Variants in TEX11 observed in about 807,000 individuals in gnomAD.
TEX11 encodes the protein testis expressed 11.
TEX11 carries 7 observed loss-of-function variants against 84.4 expected under a neutral mutation model. The ratio of observed to expected loss-of-function variants is 0.08; its 90% CI spans 0.05 to 0.16. TEX11 has a LOEUF of 0.16. Among genes scored for constraint, TEX11 ranks in the 10% least tolerant of loss-of-function variants. The pLI is 1.00. For synonymous variants in TEX11, 264 were observed against 222.8 expected (o/e 1.18, Z -1.64); for missense variants, 551 against 660.5 (o/e 0.83, Z 1.82).
chrX:70,519,949 A>G, the TEX11 span, among the ~76,000 whole-genome samples: 1 of 111,777 alleles, frequency 8.9e-6, no homozygotes, highest in Admixed American at 9.6e-5. Flanking sequence ...TTCTCATGCC[A>G]TGGTTTTAAG....
At position 70,669,798 on chromosome X, in the gene TEX11, C is replaced by T. The variant is rs757136227; in HGVS notation, c.1380+579G>A. Among the ~76,000 whole-genome samples, 173 of 112,740 alleles carry T rather than the reference C, an allele frequency of 1.5e-3. 1 individual carries two copies. The highest frequency in any genetic ancestry group is 5.2e-3 in the African/African-American group (163 of 31,162). On this transcript the variant is annotated intron_variant, in intron 16 of 29. Transcript: ENST00000374333. ...TTCTAAGAGCCAATACCCCTCATTA[C>T]GTGCATACCATATGATAACCAAAGG... is the stretch of plus-strand genomic sequence containing the variant.
chrX:70,567,912 C>T (rs1354345177), intron 25 of TEX11, among the ~76,000 whole-genome samples: 1 of 111,446 alleles, frequency 9.0e-6, no homozygotes, highest in Non-Finnish European at 1.9e-5. Context: ...CTGTAGATGT[C>T]TATTAGGTCC....
At chrX:70,618,073 A>G (rs1006542701) in intron 20 of TEX11, among the ~76,000 whole-genome samples, 1 of 112,380 alleles carries the variant, frequency 8.9e-6, no homozygotes, top group African/African-American at 3.2e-5. Flanking sequence ...CTTAGCAGGC[A>G]GAACTGCATG....
At chrX:70,844,594 T>C (rs1461310011) in intron 7 of TEX11, among the ~76,000 whole-genome samples, 1 of 110,140 alleles carries the variant, frequency 9.1e-6, no homozygotes, top group Admixed American at 9.7e-5. Context: ...ACATGTACCC[T>C]AAAACTTAAA....
chrX:70,854,976 G>T (rs1001258947), intron 5 of TEX11, among the ~76,000 whole-genome samples: 3 of 109,125 alleles, frequency 2.7e-5, no homozygotes, highest in African/African-American at 1.0e-4. Context: ...TGAGCCCGGG[G>T]TGCCAAGGTT....
chrX:70,841,665 C>A (rs1156641156), intron 7 of TEX11, among the ~76,000 whole-genome samples: 1 of 111,657 alleles, frequency 9.0e-6, no homozygotes, highest in South Asian at 3.7e-4. Context: ...ACACAAAAAA[C>A]CCTTCAAAAA....
chrX:70,837,128 C>A (rs1040839915), intron 7 of TEX11, among the ~76,000 whole-genome samples: 1 of 112,080 alleles, frequency 8.9e-6, no homozygotes, highest in Non-Finnish European at 1.9e-5. Flanking sequence ...CCCTTTATGT[C>A]CACACAAAAA....
intron 15 of TEX11, 52 bp downstream of exon 15, chrX:70,678,752 A>ATTTTTTTT: frequency 2.9e-6 from 3 of 1,040,733 alleles, no homozygotes; most frequent in African/African-American, 1.9e-5. Context: ...TGAATGCACT[A>ATTTTTTTT]TTTTTTGTTG....
chrX:70,740,803 G>GAAAA lies in TEX11; in HGVS notation c.748-11_748-8dup. ...ATAGCCGTAGAACTTTAGCCTGTAA[G>GAAAA]AAAAAAAAAAAGAAAAAAAGCACAT... On this transcript the variant is annotated splice_region_variant and splice_polypyrimidine_tract_variant and intron_variant, in intron 10 of 29. Transcript: ENST00000374333. 1.1e-6 allele frequency: 1 copy of GAAAA among 883,333 alleles called. No individual in the cohort carries two copies. The allele number at this position is 883,333 out of a possible 1,213,427, so 72.8% of individuals were successfully genotyped here.
chrX:70,661,232 C>T (rs894106396), intron 16 of TEX11, among the ~76,000 whole-genome samples: 1 of 112,458 alleles, frequency 8.9e-6, no homozygotes, highest in African/African-American at 3.2e-5. Context: ...GACTGTATCC[C>T]ACGCCTGGCT....
chrX:70,905,304 G>A (rs1470399628), intron 2 of TEX11, among the ~76,000 whole-genome samples: 2 of 110,875 alleles, frequency 1.8e-5, no homozygotes, highest in African/African-American at 3.3e-5. Context: ...CAGCCTGGAC[G>A]ACAGAGTGAG....
In TEX11 at chrX:70,583,405, G is replaced by A. The variant is rs1326415905; in HGVS notation, c.2140+8346C>T. Among the ~76,000 whole-genome samples the A allele has an allele frequency of 2.7e-5, 3 of 111,826 alleles. No homozygotes were observed. In the East Asian group the frequency reaches 8.4e-4, roughly 31 times the overall value. On this transcript the variant is annotated intron_variant, in intron 25 of 29. Coordinates refer to ENST00000374333, the MANE Select transcript of TEX11 (RefSeq NM_031276.3). ...GTTTCACTTAAGATAATGGCCTCCA[G>A]TTTCATCCACGTTACTGCAAATGAC...
At chrX:70,713,861 C>G (rs1244366237) in intron 13 of TEX11, among the ~76,000 whole-genome samples, 3 of 111,375 alleles carry the variant, frequency 2.7e-5, no homozygotes, top group African/African-American at 9.8e-5. Context: ...TCTTGCTTCT[C>G]TAGTTCTTTT....
chrX:70,881,242 G>C (rs1403535682), intron 2 of TEX11, among the ~76,000 whole-genome samples: 1 of 107,059 alleles, frequency 9.3e-6, no homozygotes. Context: ...CATAAGAATT[G>C]CTTGAGCCTG....
At chrX:70,648,739 T>A (rs2089776924) in intron 17 of TEX11, among the ~76,000 whole-genome samples, 1 of 111,576 alleles carries the variant, frequency 9.0e-6, no homozygotes, top group Non-Finnish European at 1.9e-5. Context: ...AGTTCTAGGA[T>A]ACATGTGCAG....
rs145109401 is a variant in TEX11 at position 70,696,805 on chromosome X, C to T, written c.1005-13980G>A. 8.7e-3 allele frequency among the ~76,000 whole-genome samples: 965 copies of T among 111,427 alleles called. 5 individuals are homozygous for T. The highest frequency in any genetic ancestry group is 0.013 in the Admixed American group (135 of 10,485). On this transcript the variant is annotated intron_variant, in intron 13 of 29. Coordinates refer to ENST00000374333, the MANE Select transcript of TEX11 (RefSeq NM_031276.3). Reference sequence around the variant, plus strand: ...AACAAACAAACAAACAACAAAAAAACCCCAAAATACTCACTTATTATTTCC... The same window carrying T: ...AACAAACAAACAAACAACAAAAAAATCCCAAAATACTCACTTATTATTTCC...
At chrX:70,792,339 TATATATATATATATATATACAC>T (rs1443730755) in intron 9 of TEX11, among the ~76,000 whole-genome samples, 2,723 of 13,676 alleles carry the variant, frequency 0.2, 389 homozygotes, top group African/African-American at 0.43. Flanking sequence ...TATATATATA[TATATATATATATATATATACAC>T]ACACAAATAT....
chrX:70,649,998 A>T (rs73542476), intron 17 of TEX11, among the ~76,000 whole-genome samples: 10,213 of 111,482 alleles, frequency 0.092, 1,048 homozygotes, highest in African/African-American at 0.29. Flanking sequence ...GTGGATAAAC[A>T]CAATATGGGT....
At chrX:70,817,252 TATAC>T (rs756991033) in intron 8 of TEX11, among the ~76,000 whole-genome samples, 11,557 of 95,015 alleles carry the variant, frequency 0.12, 649 homozygotes, top group Middle Eastern at 0.26. Flanking sequence ...CACATATATA[TATAC>T]ACACACACAC....
Sources: allele counts gnomAD v4.1 joint callset (sites outside exome capture counted in the v4.1 genomes callset), GRCh38; gene constraint gnomAD v4.1.1; transcripts MANE v1.5; gene names NCBI Gene and HGNC (gene_info 2026-07-23, HGNC 2026-07-21).